Variants in ZNF680 observed in about 807,000 individuals in gnomAD.
ZNF680 encodes zinc finger protein 680.
In ZNF680, 6 loss-of-function variants were observed where a neutral mutation model predicts 12.1. The ratio of observed to expected loss-of-function variants is 0.49; its 90% CI spans 0.27 to 0.98. The LOEUF is 0.98. Ranked by LOEUF, ZNF680 falls within the 50% of genes least tolerant of loss-of-function variation. ZNF680 has a pLI of 0.12. For missense variants in ZNF680, 561 were observed against 616.3 expected, an observed-to-expected ratio of 0.91 and a Z score of 0.95; for synonymous variants, 170 against 199.3, an observed-to-expected ratio of 0.85 and a Z score of 1.24.
At chr7:64,546,097 C>T (rs948694646) in intron 1 of ZNF680, among the ~76,000 whole-genome samples, 8 of 152,038 alleles carry the variant, frequency 5.3e-5, no homozygotes, top group African/African-American at 1.9e-4. Flanking sequence ...GAAACTAGCT[C>T]ATTAGGGAGG....
At chr7:64,515,040 TCA>T (rs60936039), downstream of ZNF680, among the ~76,000 whole-genome samples, 3,997 of 149,018 alleles carry the variant, frequency 0.027, 104 homozygotes, top group African/African-American at 0.067. Flanking sequence ...CAAAACTCTG[TCA>T]CACACACACA....
chr7:64,557,645 T>C (rs940584258), intron 1 of ZNF680, among the ~76,000 whole-genome samples: 2 of 152,108 alleles, frequency 1.3e-5, no homozygotes, highest in African/African-American at 2.4e-5. Flanking sequence ...CCCAGCACTT[T>C]GGGAGGCTGA....
At chr7:64,501,413 A>G in the ZNF680 span, 1 of 1,094,914 alleles carries the variant, frequency 9.1e-7, no homozygotes, top group South Asian at 1.2e-5. Flanking sequence ...GCCATTAAGA[A>G]GGAACTGACC....
chr7:64,532,906 A>C (rs1471553397), intron 3 of ZNF680, among the ~76,000 whole-genome samples: 2 of 152,252 alleles, frequency 1.3e-5, no homozygotes, highest in Non-Finnish European at 2.9e-5. Flanking sequence ...CCACATAAAC[A>C]GAGTTAAAAC....
chr7:64,563,036 A>T lies in ZNF680; in HGVS notation c.-82T>A. The T allele has an allele frequency of 6.5e-7, 1 of 1,540,120 alleles. No individual in the cohort carries two copies. Among genetic ancestry groups the T allele is most frequent in the Non-Finnish European group, 9.0e-7 (1 of 1,116,204 alleles). ...TAGGAGCAGAATACACAGAGCAGTA[A>T]AGACTAGACCTGGAGCTCCCGCAGC... On this transcript the variant is annotated 5_prime_UTR_variant, in exon 1 of 4. Coordinates refer to ENST00000309683, the MANE Select transcript of ZNF680 (RefSeq NM_178558.5).
intron 3 of ZNF680, among the ~76,000 whole-genome samples, chr7:64,541,401 C>G (rs1399419052): frequency 2.6e-5 from 4 of 152,068 alleles, no homozygotes; most frequent in Non-Finnish European, 5.9e-5. Context: ...AATTTATCAG[C>G]CATCCCTGTC....
intron 1 of ZNF680, chr7:64,552,050 C>T (rs1344895371): frequency 7.9e-5 from 12 of 152,152 alleles, no homozygotes; most frequent in Admixed American, 7.9e-4. Context: ...CATCACACTA[C>T]ATCCACCAGC....
chr7:64,510,424 G>C, the ZNF680 span, among the ~76,000 whole-genome samples: 2 of 151,480 alleles, frequency 1.3e-5, no homozygotes, highest in African/African-American at 4.9e-5. Context: ...AAAAAAAACA[G>C]GTTTATTATT....
chr7:64,541,043 G>A lies in ZNF680; in HGVS notation c.253+2664C>T, dbSNP rs73355727. Among the ~76,000 whole-genome samples the A allele has an allele frequency of 2.7e-3, 404 of 152,150 alleles. 2 individuals are homozygous for A. The highest frequency in any genetic ancestry group is 9.2e-3 in the African/African-American group (384 of 41,530). On this transcript the variant is annotated intron_variant, in intron 3 of 3. Transcript: ENST00000309683. ...AAACTACTGTAATCCAACTTTAGAA[G>A]CAAAACAATAGTCTTGCATTGCTAA...
chr7:64,501,994 TTTC>T, the ZNF680 span, among the ~76,000 whole-genome samples: 6 of 119,620 alleles, frequency 5.0e-5, no homozygotes, highest in African/African-American at 7.2e-5. Flanking sequence ...AAAGGACGTA[TTTC>T]TTTTTTTTTT....
At chr7:64,561,580 C>T (rs1355248999) in intron 1 of ZNF680, among the ~76,000 whole-genome samples, 1 of 152,138 alleles carries the variant, frequency 6.6e-6, no homozygotes. Flanking sequence ...GAAAACAAAT[C>T]TTTTAAAAAG....
intron 3 of ZNF680, among the ~76,000 whole-genome samples, chr7:64,542,171 C>A (rs1370816914): frequency 6.6e-6 from 1 of 152,138 alleles, no homozygotes; most frequent in South Asian, 2.1e-4. Flanking sequence ...AGCCTTGTGA[C>A]CAAGCTACGC....
chr7:64,558,782 C>G (rs534732343), intron 1 of ZNF680, among the ~76,000 whole-genome samples: 1 of 133,584 alleles, frequency 7.5e-6, no homozygotes, highest in South Asian at 2.4e-4. Flanking sequence ...AAAGGGGTTG[C>G]TTTTTTTTTT....
chr7:64,538,363 A>C (rs903292533), intron 3 of ZNF680, among the ~76,000 whole-genome samples: 4 of 152,254 alleles, frequency 2.6e-5, no homozygotes, highest in Non-Finnish European at 5.9e-5. Flanking sequence ...ATATTTGCAA[A>C]TCACATGTGA....
chr7:64,531,514 G>A (rs987278162), intron 3 of ZNF680, among the ~76,000 whole-genome samples: 8 of 149,016 alleles, frequency 5.4e-5, no homozygotes, highest in East Asian at 2.0e-4. Flanking sequence ...GGAGAATGGC[G>A]TGAACTCAGG....
At chr7:64,505,079 C>A in the ZNF680 span, among the ~76,000 whole-genome samples, 6 of 152,156 alleles carry the variant, frequency 3.9e-5, no homozygotes, top group Admixed American at 1.3e-4. Flanking sequence ...AATCCTTTAG[C>A]CAGAATTTTA....
chr7:64,555,113 A>G (rs182628582), intron 1 of ZNF680, among the ~76,000 whole-genome samples: 1 of 152,330 alleles, frequency 6.6e-6, no homozygotes, highest in East Asian at 1.9e-4. Context: ...ACCCTGTTAG[A>G]TTATTAGGGC....
chr7:64,537,736 G>A (rs1786247417), intron 3 of ZNF680, among the ~76,000 whole-genome samples: 1 of 151,852 alleles, frequency 6.6e-6, no homozygotes, highest in African/African-American at 2.4e-5. Context: ...GACCATCCTG[G>A]CTAACACAGT....
At chr7:64,543,445 G>A (rs9918574) in intron 3 of ZNF680, among the ~76,000 whole-genome samples, 34,325 of 152,092 alleles carry the variant, frequency 0.23, 4,067 homozygotes, top group South Asian at 0.28. Flanking sequence ...AGATTGTGCA[G>A]TCTCTTATAA....
Sources: allele counts gnomAD v4.1 joint callset (sites outside exome capture counted in the v4.1 genomes callset), GRCh38; gene constraint gnomAD v4.1.1; transcripts MANE v1.5; gene names NCBI Gene and HGNC (gene_info 2026-07-23, HGNC 2026-07-21).